KDM1B: variants seen among roughly 807,000 people sequenced by gnomAD.
The protein encoded by KDM1B is lysine demethylase 1B.
A neutral mutation model predicts 107.4 loss-of-function variants in KDM1B; 63 were observed. The ratio of observed to expected loss-of-function variants is 0.59; its 90% confidence interval spans 0.48 to 0.72. The LOEUF is 0.72. Among genes scored for constraint, KDM1B ranks in the 30% least tolerant of loss-of-function variants. KDM1B has a pLI of 0.00. For missense variants in KDM1B, 749 were observed against 1,020.8 expected (o/e 0.73, Z 3.63); for synonymous variants, 363 against 363.9 (o/e 1.00, Z 0.03).
Position 18,187,800 on chromosome 6 carries a change from G to A in KDM1B, c.582G>A (p.Leu194=), listed in dbSNP as rs1221266643. Residue 194 remains leucine, a synonymous_variant, in exon 9 of 22, where the codon TTG becomes TTA. Coordinates refer to ENST00000650836, the MANE Select transcript of KDM1B (RefSeq NM_001364614.2). ...TGTCTGGCCCATTGCAGAGAGTATT[G>A]GAAGTTTCCAACCATTGGTGGTACT... ...HCSLPEDLRV[L]EVSNHWWYSM... The A allele has an allele frequency of 6.5e-7, 1 of 1,548,118 alleles. No individual in the cohort carries two copies.
chr6:18,217,248 C>T (rs1180615061), intron 20 of KDM1B, among the ~76,000 whole-genome samples: 1 of 152,014 alleles, frequency 6.6e-6, no homozygotes, highest in Non-Finnish European at 1.5e-5. Context: ...CAAATACCGG[C>T]TTGGGTAGAT....
Position 18,207,479 on chromosome 6 carries a change from G to C in KDM1B, c.1741G>C (p.Val581Leu). The C allele has an allele frequency of 1.2e-6, 2 of 1,614,218 alleles. No homozygotes were observed. Among genetic ancestry groups the C allele is most frequent in the Non-Finnish European group, 1.7e-6 (2 of 1,180,038 alleles). ...DHTLLTPGYS[V>L]IIEKLAEGLD... Reference sequence around the variant, plus strand: ...CACTCTGCTAACTCCCGGGTACTCGGTGATAATTGAAAAACTGGCAGAAGG... The same window carrying C: ...CACTCTGCTAACTCCCGGGTACTCGCTGATAATTGAAAAACTGGCAGAAGG... Residue 581 changes from valine (V) to leucine (L), a missense_variant, in exon 16 of 22, where the codon GTG (valine) becomes CTG (leucine). By Grantham distance (32) the Val-to-Leu change is conservative. Coordinates refer to ENST00000650836, the MANE Select transcript of KDM1B (RefSeq NM_001364614.2).
chr6:18,188,110 C>T (rs1210644102), intron 9 of KDM1B, 108 bp downstream of exon 9: 34 of 984,870 alleles, frequency 3.5e-5, no homozygotes, highest in Non-Finnish European at 5.0e-5. Flanking sequence ...GCAGGCTGGG[C>T]ACAGTGGCTC....
chr6:18,193,265 TA>T (rs1319319890), intron 10 of KDM1B, among the ~76,000 whole-genome samples: 1 of 149,024 alleles, frequency 6.7e-6, no homozygotes, highest in Non-Finnish European at 1.5e-5. Context: ...ATATTGGCTT[TA>T]AAAGAATCAA....
At position 18,201,671 on chromosome 6, in the gene KDM1B, G is replaced by A. The variant is rs1340761548; in HGVS notation, c.1531+14G>A. Reference sequence around the variant, plus strand: ...TCCCTTTAGGAGGTATGGGGAGAACGGTGTTCTGATTGTTCCATCTCAGTT... The same window carrying A: ...TCCCTTTAGGAGGTATGGGGAGAACAGTGTTCTGATTGTTCCATCTCAGTT... On this transcript the variant is annotated intron_variant, in intron 14 of 21. Coordinates refer to ENST00000650836, the MANE Select transcript of KDM1B (RefSeq NM_001364614.2). The surrounding 1 kb of genome is among the most constrained non-coding windows in gnomAD (Gnocchi z 4.3). The A allele has an allele frequency of 5.9e-6, 9 of 1,532,518 alleles. No homozygotes were observed. Among genetic ancestry groups the A allele is most frequent in the African/African-American group, 1.4e-5 (1 of 72,146 alleles). 94.9% of individuals were successfully genotyped at this position (1,532,518 alleles called of 1,614,324 possible). A position where few individuals can be genotyped will look rare whatever the true frequency, so the allele number is the denominator to read the frequency against.
intron 17 of KDM1B, among the ~76,000 whole-genome samples, chr6:18,208,607 A>ATATATATG (rs1554149826): frequency 2.8e-4 from 4 of 14,340 alleles, no homozygotes; most frequent in African/African-American, 9.2e-4. Flanking sequence ...GTGTATGTAT[A>ATATATATG]TATATATATA....
In KDM1B at chr6:18,213,614, G is replaced by A. The variant is rs1369140491; in HGVS notation, c.1984-42G>A. The A allele has an allele frequency of 6.2e-7, 1 of 1,611,062 alleles. No homozygotes were observed. On this transcript the variant is annotated intron_variant, in intron 18 of 21. Transcript: ENST00000650836. This position sits in a 1 kb window ranked among gnomAD's most constrained non-coding sequence, Gnocchi z 5.9. ...GCTTAGATATTGCCTGTGGTTTTGT[G>A]ACGACAGACACCTAACCACCTTTCT... is the stretch of plus-strand genomic sequence containing the variant.
chr6:18,168,188 G>A (rs1785443973), intron 6 of KDM1B, among the ~76,000 whole-genome samples: 1 of 152,172 alleles, frequency 6.6e-6, no homozygotes, highest in Admixed American at 6.5e-5. Flanking sequence ...GTGGCACTTA[G>A]TATATTCACA....
In KDM1B at chr6:18,189,413, A is replaced by G. The variant is rs1243406224; in HGVS notation, c.784+1411A>G. Among the ~76,000 whole-genome samples the G allele has an allele frequency of 2.6e-5, 4 of 152,220 alleles. No homozygotes were observed. In the East Asian group the frequency reaches 7.7e-4, roughly 29 times the overall value. On this transcript the variant is annotated intron_variant, in intron 9 of 21. Transcript: ENST00000650836. ...GTGCATCAAAAACTTTTAAACAGAC[A>G]CTCTTTGACCCAGCAGTGCTATTTC...
In KDM1B at chr6:18,171,346, T is replaced by G. The variant is rs751247603; in HGVS notation, c.418-17T>G. 8 of 1,275,980 alleles carry G rather than the reference T, an allele frequency of 6.3e-6. No individual in the cohort carries two copies. Among genetic ancestry groups the G allele is most frequent in the Admixed American group, 1.7e-5 (1 of 59,628 alleles). The allele number at this position is 1,275,980 out of a possible 1,614,324, so 79.0% of individuals were successfully genotyped here. On this transcript the variant is annotated splice_polypyrimidine_tract_variant and intron_variant, in intron 6 of 21. Transcript: ENST00000650836. ...ATTAGCTCACTTGTTCATCTTGACT[T>G]GATACTTCCCATCTAGGTTCAGTGT...
chr6:18,198,876 A>C lies in KDM1B; in HGVS notation c.1221+1215A>C, dbSNP rs141881908. Among the ~76,000 whole-genome samples, 746 of 151,218 alleles carry C rather than the reference A, an allele frequency of 4.9e-3. 7 individuals are homozygous for C. The highest frequency in any genetic ancestry group is 0.017 in the African/African-American group (690 of 41,346). ...GCCTTCCTCTTATACTAAAAAAAAA[A>C]CTAGAAATGGGCTGGGCACAGTGGC... On this transcript the variant is annotated intron_variant, in intron 12 of 21. Transcript: ENST00000650836.
chr6:18,215,229 G>A lies in KDM1B; in HGVS notation c.2232+100G>A, dbSNP rs576686513. 71 of 1,335,054 alleles carry A rather than the reference G, an allele frequency of 5.3e-5. No individual in the cohort carries two copies. In the Middle Eastern group the frequency reaches 7.9e-4, roughly 15 times the overall value. The allele number at this position is 1,335,054 out of a possible 1,614,324, so 82.7% of individuals were successfully genotyped here. A position where few individuals can be genotyped will look rare whatever the true frequency, so the allele number is the denominator to read the frequency against. On this transcript the variant is annotated intron_variant, in intron 20 of 21. Coordinates refer to ENST00000650836, the MANE Select transcript of KDM1B (RefSeq NM_001364614.2). The stretch of plus-strand genomic sequence containing the variant: ...CCAGCGTCACTGAGAATCACAGGAA[G>A]GAAGGCAGAGGCCACAGTCTTCTTT...
chr6:18,188,188 C>T (rs908759051), intron 9 of KDM1B, among the ~76,000 whole-genome samples, 186 bp downstream of exon 9: 8 of 151,990 alleles, frequency 5.3e-5, no homozygotes, highest in Non-Finnish European at 7.4e-5. Flanking sequence ...AGTTTGAGAC[C>T]GGTCTGGGCA....
At chr6:18,218,872 A>T (rs1042920513) in intron 21 of KDM1B, among the ~76,000 whole-genome samples, 2 of 151,672 alleles carry the variant, frequency 1.3e-5, no homozygotes, top group Non-Finnish European at 2.9e-5. Context: ...TCTCTAATTT[A>T]AATTTAATTT....
intron 10 of KDM1B, among the ~76,000 whole-genome samples, chr6:18,195,971 A>G (rs1787621283): frequency 6.6e-6 from 1 of 152,040 alleles, no homozygotes; most frequent in Non-Finnish European, 1.5e-5. Flanking sequence ...TTATCCTTTG[A>G]CCAACATCTC....
At chr6:18,208,298 T>G (rs532850536) in intron 17 of KDM1B, 92 bp downstream of exon 17, 1 of 898,066 alleles carries the variant, frequency 1.1e-6, no homozygotes, top group Non-Finnish European at 1.8e-6. Context: ...GGAGTTTGCC[T>G]TTGGGAATCT....
chr6:18,196,322 CATTTT>C (rs1197606498), intron 10 of KDM1B, among the ~76,000 whole-genome samples: 1 of 152,134 alleles, frequency 6.6e-6, no homozygotes, highest in Non-Finnish European at 1.5e-5. Context: ...CGTGCTGATT[CATTTT>C]ATTTGACTAC....
chr6:18,210,008 C>T (rs1306086470), intron 17 of KDM1B, among the ~76,000 whole-genome samples: 1 of 152,202 alleles, frequency 6.6e-6, no homozygotes, highest in Non-Finnish European at 1.5e-5. Flanking sequence ...CTTTGTTACT[C>T]TCTGCCTGAC....
intron 7 of KDM1B, among the ~76,000 whole-genome samples, chr6:18,184,053 C>T (rs183112526): frequency 3.9e-5 from 6 of 152,044 alleles, no homozygotes; most frequent in African/African-American, 1.2e-4. Flanking sequence ...AATGAATTTT[C>T]GCCAAGTACT....
Sources: allele counts gnomAD v4.1 joint callset (sites outside exome capture counted in the v4.1 genomes callset), GRCh38; gene constraint gnomAD v4.1.1; non-coding constraint Gnocchi (gnomAD v3.1); transcripts MANE v1.5; gene names NCBI Gene and HGNC (gene_info 2026-07-23, HGNC 2026-07-21).